Variants in JAG2 observed in about 807,000 individuals in gnomAD.
JAG2 encodes jagged canonical Notch ligand 2.
JAG2 carries 46 observed loss-of-function variants against 141.7 expected under a neutral mutation model. The ratio of observed to expected loss-of-function variants is 0.32; its 90% CI spans 0.26 to 0.42. JAG2 has a LOEUF of 0.42. Ranked by LOEUF, JAG2 falls within the 10% of genes least tolerant of loss-of-function variation. JAG2 has a pLI of 1.00. For synonymous variants in JAG2, 862 were observed against 763.5 expected, an observed-to-expected ratio of 1.13 and a Z score of -2.13; for missense variants, 1,500 against 1,817.5, an observed-to-expected ratio of 0.83 and a Z score of 3.18.
chr14:105,168,037 C>T lies in JAG2; in HGVS notation c.137G>A (p.Ser46Asn), dbSNP rs1383771678. 6.3e-7 allele frequency: 1 copy of T among 1,595,022 alleles called. No individual in the cohort carries two copies. Among genetic ancestry groups the T allele is most frequent in the East Asian group, 2.3e-5 (1 of 44,266 alleles). The change falls in exon 2 of 26, where the codon AGC becomes AAC. Residue 46 changes from serine to asparagine, a missense_variant. Ser to Asn is a conservative substitution (Grantham distance 46). This residue lies in a region of JAG2 where 200 missense variants were observed against 174.3 expected (regional missense o/e 1.15). Coordinates refer to ENST00000331782, the MANE Select transcript of JAG2 (RefSeq NM_002226.5). ...GCCGTCGCCGTCACAGCAGGCGCCG[C>T]TCAGCAGCTCCCCGTTCACGTTCCG... ...ALRNVNGELL[S>N]GACCDGDGRT...
intron 2 of JAG2, among the ~76,000 whole-genome samples, chr14:105,158,306 A>C (rs1222218616): frequency 6.6e-6 from 1 of 152,156 alleles, no homozygotes; most frequent in African/African-American, 2.4e-5. Context: ...GCCGGAGCTC[A>C]GGTCCTGCAG....
chr14:105,148,015 G>A (rs1888283254), intron 17 of JAG2, 101 bp downstream of exon 17: 3 of 1,153,838 alleles, frequency 2.6e-6, no homozygotes, highest in Admixed American at 4.0e-5. Context: ...CAGGTGGCAG[G>A]TGTGGCCCTC....
Position 105,142,676 on chromosome 14 carries a change from G to T in JAG2, c.*19C>A, listed in dbSNP as rs1489504141. Reference sequence around the variant, plus strand: ...CTCCCACCGAGGGCCCTGGGTCCCGGCCCAGCTGGCAGCCGCCCCTACTCC... The same window carrying T: ...CTCCCACCGAGGGCCCTGGGTCCCGTCCCAGCTGGCAGCCGCCCCTACTCC... On this transcript the variant is annotated 3_prime_UTR_variant, in exon 26 of 26. Transcript: ENST00000331782. The T allele has an allele frequency of 1.7e-5, 26 of 1,574,400 alleles. No homozygotes were observed. Among genetic ancestry groups the T allele is most frequent in the Non-Finnish European group, 2.2e-5 (26 of 1,158,654 alleles).
intron 3 of JAG2, among the ~76,000 whole-genome samples, chr14:105,156,847 C>T (rs934749848): frequency 6.6e-6 from 1 of 152,112 alleles, no homozygotes; most frequent in African/African-American, 2.4e-5. Context: ...TCTCTGCCAC[C>T]CCCTCAGGAA....
In JAG2 at chr14:105,167,697, CG is replaced by C; in HGVS notation, c.417+59del. 1.5e-6 allele frequency: 2 copies of C among 1,344,132 alleles called. No individual in the cohort carries two copies. The highest frequency in any genetic ancestry group is 9.5e-7 in the Non-Finnish European group (1 of 1,048,680). 83.3% of individuals were successfully genotyped at this position (1,344,132 alleles called of 1,614,324 possible). A position where few individuals can be genotyped will look rare whatever the true frequency, so the allele number is the denominator to read the frequency against. ...CAGGTGTTGGGGGTCGCGAAGCGCGCGGGGCCGGGGCGCGGAGAGAGAGGGA... is the reference window on the plus strand; with the variant it reads ...CAGGTGTTGGGGGTCGCGAAGCGCGCGGGCCGGGGCGCGGAGAGAGAGGGA... On this transcript the variant is annotated intron_variant, in intron 2 of 25. Coordinates refer to ENST00000331782, the MANE Select transcript of JAG2 (RefSeq NM_002226.5). This position sits in a 1 kb window ranked among gnomAD's most constrained non-coding sequence, Gnocchi z 4.8.
intron 24 of JAG2, 66 bp downstream of exon 24, chr14:105,144,864 T>C (rs1226971376): frequency 2.1e-5 from 33 of 1,569,020 alleles, no homozygotes; most frequent in Admixed American, 3.6e-5. Flanking sequence ...CTGTCCAGCA[T>C]AGCCAGGACC....
intron 24 of JAG2, among the ~76,000 whole-genome samples, chr14:105,144,676 G>A (rs1302803590): frequency 6.6e-6 from 1 of 152,190 alleles, no homozygotes; most frequent in African/African-American, 2.4e-5. Context: ...CAGAGCAGGG[G>A]ACCGGGCGAG....
intron 11 of JAG2, 37 bp from the exon 12 acceptor site, chr14:105,150,814 C>T: frequency 1.3e-6 from 2 of 1,573,054 alleles, no homozygotes; most frequent in Non-Finnish European, 1.7e-6. Context: ...CCGCAGGCAC[C>T]CTGACGGCCC....
intron 3 of JAG2, among the ~76,000 whole-genome samples, 180 bp from the exon 4 acceptor site, chr14:105,156,169 G>A (rs1374960086): frequency 6.6e-6 from 1 of 150,954 alleles, no homozygotes; most frequent in Non-Finnish European, 1.5e-5. Flanking sequence ...GGCCCCGAGA[G>A]GCCTCTCCCT....
Position 105,143,055 on chromosome 14 carries a change from C to T in JAG2, c.3357G>A (p.Pro1119=), listed in dbSNP as rs149569485. 222 of 1,602,518 alleles carry T rather than the reference C, an allele frequency of 1.4e-4. No individual in the cohort carries two copies. The highest frequency in any genetic ancestry group is 7.5e-4 in the African/African-American group (56 of 74,924). ...ACTGGTTGTTGGCGCTCTCCTCCCG[C>T]GGCAGCCGGCTCCTCTCCCGCTCTT... is the stretch of plus-strand genomic sequence containing the variant. ...RRKERERSRL[P]REESANNQWA... The change falls in exon 26 of 26, where the codon CCG becomes CCA. Residue 1119 remains proline (P), a synonymous_variant. Coordinates refer to ENST00000331782, the MANE Select transcript of JAG2 (RefSeq NM_002226.5).
At chr14:105,168,329 C>A (rs1485844088) in intron 1 of JAG2, 26 bp downstream of exon 1, 2 of 790,556 alleles carry the variant, frequency 2.5e-6, no homozygotes, top group African/African-American at 1.9e-5. Flanking sequence ...GTCCGCGACC[C>A]CCGCCGCCCC....
Position 105,161,576 on chromosome 14 carries a change from G to A in JAG2, c.418-3813C>T, listed in dbSNP as rs1441722403. On this transcript the variant is annotated intron_variant, in intron 2 of 25. Coordinates refer to ENST00000331782, the MANE Select transcript of JAG2 (RefSeq NM_002226.5). ...GCCCGCCGAGAGGGCCTCACCGCCC[G>A]CCAGCTGGGGTCCCTACACCTGGAT... is the stretch of plus-strand genomic sequence containing the variant. Among the ~76,000 whole-genome samples the A allele has an allele frequency of 5.3e-5, 8 of 151,282 alleles. No homozygotes were observed. The South Asian group carries it at 6.3e-4, about 12-fold the overall frequency.
At chr14:105,160,566 C>T (rs1470018890) in intron 2 of JAG2, among the ~76,000 whole-genome samples, 1 of 151,944 alleles carries the variant, frequency 6.6e-6, no homozygotes, top group East Asian at 2.0e-4. Flanking sequence ...GCTGTTGTTC[C>T]AATAAGGCCA....
chr14:105,142,549 C>A lies in JAG2; in HGVS notation c.*146G>T, dbSNP rs111929409. On this transcript the variant is annotated 3_prime_UTR_variant, in exon 26 of 26. Transcript: ENST00000331782. ...AATAATTTATACAAGGTTAAAGAAA[C>A]GTAGAAAATAAACATTTGGTTTTTG... 1.6e-6 allele frequency: 1 copy of A among 623,220 alleles called. No homozygotes were observed. The highest frequency in any genetic ancestry group is 2.8e-6 in the Non-Finnish European group (1 of 357,332). The allele number at this position is 623,220 out of a possible 1,614,324, so 38.6% of individuals were successfully genotyped here.
Position 105,148,393 on chromosome 14 carries a change from G to A in JAG2, c.2067C>T (p.Cys689=). 1 of 1,612,270 alleles carries A rather than the reference G, an allele frequency of 6.2e-7. No homozygotes were observed. Among genetic ancestry groups the A allele is most frequent in the South Asian group, 1.1e-5 (1 of 91,082 alleles). The change falls in exon 16 of 26, where the codon TGC becomes TGT. Residue 689 remains cysteine (C), a synonymous_variant. Transcript: ENST00000331782. ...AGTAGAAGTCATTGACCAGGTCGTAGCAGCGGCCGCGGCTGTGGCAGGGAT... is the reference window on the plus strand; with the variant it reads ...AGTAGAAGTCATTGACCAGGTCGTAACAGCGGCCGCGGCTGTGGCAGGGAT... ...LPDPCHSRGR[C]YDLVNDFYCA... is the part of the protein sequence containing the mutation.
chr14:105,148,902 GC>G (rs751824277), intron 14 of JAG2, 34 bp downstream of exon 14: 11 of 1,594,876 alleles, frequency 6.9e-6, no homozygotes, highest in Non-Finnish European at 8.5e-7. Context: ...GGCCAGCCCA[GC>G]CCCACCACCA....
Position 105,151,405 on chromosome 14 carries a change from G to C in JAG2, c.1154-9C>G, listed in dbSNP as rs765371897. ...AGCACACTCATCGATGTCTGCAGAG[G>C]GTGGAGAAAGGTGGGGCCCTGGCAG... On this transcript the variant is annotated splice_polypyrimidine_tract_variant and intron_variant, in intron 8 of 25. Transcript: ENST00000331782. 1 of 1,605,850 alleles carries C rather than the reference G, an allele frequency of 6.2e-7. No homozygotes were observed. The highest frequency in any genetic ancestry group is 8.5e-7 in the Non-Finnish European group (1 of 1,176,802).
rs1320816875 is a variant in JAG2 at position 105,167,392 on chromosome 14, CA to C, written c.417+364del. 2.0e-5 allele frequency among the ~76,000 whole-genome samples: 3 copies of C among 152,094 alleles called. No homozygotes were observed. Among genetic ancestry groups the C allele is most frequent in the Non-Finnish European group, 4.4e-5 (3 of 67,986 alleles). On this transcript the variant is annotated intron_variant, in intron 2 of 25. Coordinates refer to ENST00000331782, the MANE Select transcript of JAG2 (RefSeq NM_002226.5). The surrounding 1 kb of genome is among the most constrained non-coding windows in gnomAD (Gnocchi z 4.8). ...GTCAGGGCCTGCCCTAGACCAGCCC[CA>C]GCACGCGCTGCGCACATGCCACCGC...
chr14:105,151,100 G>C lies in JAG2; in HGVS notation c.1272C>G (p.Ala424=), dbSNP rs769034621. The C allele has an allele frequency of 1.9e-6, 3 of 1,609,946 alleles. No individual in the cohort carries two copies. The African/African-American group carries it at 4.0e-5, about 21-fold the overall frequency. ...GGCATGGCTTCCCTTCACACTCATT[G>C]GCGTCTGTGAAAGAGACAAGGTGGG... The part of the protein sequence containing the change: ...QWVGATCQLD[A]NECEGKPCLN... The change falls in exon 10 of 26, where the codon GCC becomes GCG. Residue 424 remains alanine (A), a synonymous_variant. Coordinates refer to ENST00000331782, the MANE Select transcript of JAG2 (RefSeq NM_002226.5).
Sources: allele counts gnomAD v4.1 joint callset (sites outside exome capture counted in the v4.1 genomes callset), GRCh38; gene constraint gnomAD v4.1.1; regional missense constraint gnomAD v4.1.1; non-coding constraint Gnocchi (gnomAD v3.1); transcripts MANE v1.5; gene names NCBI Gene and HGNC (gene_info 2026-07-23, HGNC 2026-07-21).